COL6A1: variants seen among roughly 807,000 people sequenced by gnomAD.
The protein encoded by COL6A1 is collagen type VI alpha 1 chain.
Under a neutral mutation model 145.6 loss-of-function variants are expected in COL6A1, and 80 were observed. That is an observed-to-expected ratio of 0.55 (90% CI 0.46 to 0.66). COL6A1 has a LOEUF of 0.66. Ranked by LOEUF, COL6A1 falls within the 30% of genes least tolerant of loss-of-function variation. The probability of loss-of-function intolerance (pLI) is 0.00; values close to 1 mark genes in which losing one functional copy is unlikely to be tolerated. For synonymous variants in COL6A1, 638 were observed against 622.8 expected, an observed-to-expected ratio of 1.02 and a Z score of -0.36; for missense variants, 1,364 against 1,473.8, an observed-to-expected ratio of 0.93 and a Z score of 1.22.
intron 33 of COL6A1, 22 bp from the exon 34 acceptor site, chr21:46,003,098 G>A (rs1603594773): frequency 6.2e-7 from 1 of 1,614,066 alleles, no homozygotes; most frequent in East Asian, 2.2e-5. Flanking sequence ...GGCTCACACT[G>A]CACGGCTTTT....
chr21:45,987,483 T>C lies in COL6A1; in HGVS notation c.739-16T>C, dbSNP rs1426683500. 1 of 1,613,114 alleles carries C rather than the reference T, an allele frequency of 6.2e-7. No individual in the cohort carries two copies. Among genetic ancestry groups the C allele is most frequent in the South Asian group, 1.1e-5 (1 of 91,084 alleles). ...TGGCTTTCCCACTGACTCGTCTCCA[T>C]GCTTTCCCCCCACAGTGCTGCTCCT... On this transcript the variant is annotated splice_polypyrimidine_tract_variant and intron_variant, in intron 6 of 34. Transcript: ENST00000361866.
chr21:45,991,319 G>C (rs1460781124), intron 15 of COL6A1, among the ~76,000 whole-genome samples: 1 of 152,224 alleles, frequency 6.6e-6, no homozygotes, highest in Non-Finnish European at 1.5e-5. Flanking sequence ...CCGCTCGCTC[G>C]GCACAGATGG....
At chr21:45,983,303 A>G (rs1400995701) in intron 2 of COL6A1, among the ~76,000 whole-genome samples, 2 of 148,796 alleles carry the variant, frequency 1.3e-5, no homozygotes, top group African/African-American at 5.0e-5. Context: ...GGGACACGGC[A>G]CCCTCTGCTC....
rs144677931 is a variant in COL6A1, at chr21:45,991,039, A to G, written c.1117A>G (p.Lys373Glu). ...CGGTGCCTTTGGACTGAAAGGAGAA[A>G]AGGTGAGTGACTTGCGGCCCCTGGA... is the stretch of plus-strand genomic sequence containing the variant. Reference protein sequence around the residue: ...DPGAFGLKGEKGEPGADGEAG... With the variant: ...DPGAFGLKGEEGEPGADGEAG... Residue 373 changes from lysine (K) to glutamate (E), a missense_variant and splice_region_variant, in exon 15 of 35, where the codon AAG becomes GAG. Transcript: ENST00000361866. 3 of 1,613,036 alleles carry G rather than the reference A, an allele frequency of 1.9e-6. No homozygotes were observed. The highest frequency in any genetic ancestry group is 2.5e-6 in the Non-Finnish European group (3 of 1,179,858).
chr21:45,992,633 G>T, intron 18 of COL6A1, 115 bp from the exon 19 acceptor site: 1 of 1,129,908 alleles, frequency 8.9e-7, no homozygotes, highest in South Asian at 1.4e-5. Context: ...TGGAGGGGTG[G>T]CCCCTCCCAG....
chr21:46,001,762 G>A lies in COL6A1; in HGVS notation c.1957-199G>A, dbSNP rs184597057. 3.6e-3 allele frequency among the ~76,000 whole-genome samples: 545 copies of A among 150,984 alleles called. 3 individuals carry two copies. The highest frequency in any genetic ancestry group is 7.9e-3 in the African/African-American group (325 of 41,070). On this transcript the variant is annotated intron_variant, in intron 30 of 34. Transcript: ENST00000361866. ...GGGCTGTGCCACCCTCTGGGCACCC[G>A]GAGCCAATCGCAGGGTACCCAGGTC...
rs794727580 is a variant in COL6A1, at chr21:46,003,817, G to A, written c.2891G>A (p.Arg964Gln). The change falls in exon 35 of 35, where the codon CGG becomes CAG. Residue 964 changes from arginine (R) to glutamine (Q), a missense_variant. By Grantham distance (43) the Arg-to-Gln change is conservative. This residue lies in a region of COL6A1 where 938 missense variants were observed against 1,003.8 expected (regional missense o/e 0.93). Transcript: ENST00000361866. Reference sequence around the variant, plus strand: ...GAGAAGGCCGTGCAGGAAGCCCAGCGGGCAGGCATCGAGATCTTCGTGGTG... The same window carrying A: ...GAGAAGGCCGTGCAGGAAGCCCAGCAGGCAGGCATCGAGATCTTCGTGGTG... ...AIEKAVQEAQRAGIEIFVVVV... is the reference protein window; with the variant it reads ...AIEKAVQEAQQAGIEIFVVVV... 2.0e-5 allele frequency: 32 copies of A among 1,606,470 alleles called. No individual in the cohort carries two copies. Among genetic ancestry groups the A allele is most frequent in the Non-Finnish European group, 2.6e-5 (30 of 1,174,788 alleles).
intron 30 of COL6A1, among the ~76,000 whole-genome samples, 190 bp from the exon 31 acceptor site, chr21:46,001,771 C>T (rs1033113553): frequency 6.6e-6 from 1 of 150,694 alleles, no homozygotes; most frequent in South Asian, 2.1e-4. Context: ...CGGAGCCAAT[C>T]GCAGGGTACC....
Position 45,994,876 on chromosome 21 carries a change from G to A in COL6A1, c.1398+647G>A, listed in dbSNP as rs567973834. Among the ~76,000 whole-genome samples the A allele has an allele frequency of 2.0e-5, 3 of 152,160 alleles. No individual in the cohort carries two copies. Among genetic ancestry groups the A allele is most frequent in the African/African-American group, 4.8e-5 (2 of 41,452 alleles). On this transcript the variant is annotated intron_variant, in intron 20 of 34. Coordinates refer to ENST00000361866, the MANE Select transcript of COL6A1 (RefSeq NM_001848.3). This position sits in a 1 kb window ranked among gnomAD's most constrained non-coding sequence, Gnocchi z 6.8. ...CACGGGGACAGGAAGGCCTCCACAC[G>A]GTCACGCCCGGAGACAGCAAGTCTG...
At position 45,997,439 on chromosome 21, in the gene COL6A1, G is replaced by T. The variant is rs766667205; in HGVS notation, c.1417G>T (p.Gly473Ter). ...PGDPGEAGPI[G>*]PKGYRGDEGP... The stretch of plus-strand genomic sequence containing the variant: ...TCTACAGGGCGAGGCTGGCCCTATC[G>T]GACCTAAAGGCTACCGAGGCGATGA... The change falls in exon 21 of 35, where the codon GGA becomes TGA. Residue 473 changes from glycine (G) to a stop codon, truncating the protein, a stop_gained. Transcript: ENST00000361866. LOFTEE classifies it high-confidence loss of function. 6.2e-7 allele frequency: 1 copy of T among 1,612,822 alleles called. No individual in the cohort carries two copies.
At chr21:45,989,584 T>G in intron 9 of COL6A1, 24 bp from the exon 10 acceptor site, 1 of 1,611,858 alleles carries the variant, frequency 6.2e-7, no homozygotes, top group Non-Finnish European at 8.5e-7. Context: ...CGGGGGTGTC[T>G]CACCATCTCC....
At position 45,999,190 on chromosome 21, in the gene COL6A1, A is replaced by C. The variant is rs751040647; in HGVS notation, c.1712A>C (p.Lys571Thr). 435 of 1,603,086 alleles carry C rather than the reference A, an allele frequency of 2.7e-4. No individual in the cohort carries two copies. The highest frequency in any genetic ancestry group is 3.5e-4 in the Non-Finnish European group (414 of 1,175,874). The change falls in exon 26 of 35, where the codon AAG becomes ACG. Residue 571 changes from lysine to threonine, a missense_variant. This residue lies in a region of COL6A1 where 938 missense variants were observed against 1,003.8 expected (regional missense o/e 0.93). Transcript: ENST00000361866. ...DIAPRGVKGA[K>T]GYRGPEGPQG... is the part of the protein sequence containing the mutation. ...GCACCCCGAGGAGTCAAAGGAGCAA[A>C]GGGGTACCGGGGTCCCGAGGGCCCC...
chr21:45,982,818 G>A (rs1480245649), intron 2 of COL6A1, 55 bp downstream of exon 2: 7 of 1,601,392 alleles, frequency 4.4e-6, no homozygotes, highest in Non-Finnish European at 5.9e-6. Context: ...CTTGGAGGGA[G>A]GGGTGGGGGC....
At chr21:45,996,372 G>T (rs560697019) in intron 20 of COL6A1, among the ~76,000 whole-genome samples, 14 of 152,356 alleles carry the variant, frequency 9.2e-5, no homozygotes, top group African/African-American at 3.4e-4. Context: ...CACGAAGGGT[G>T]CAGGAGCTTC....
At chr21:46,000,710 G>C (rs550997718) in intron 28 of COL6A1, 49 bp from the exon 29 acceptor site, 1 of 1,613,520 alleles carries the variant, frequency 6.2e-7, no homozygotes, top group African/African-American at 1.3e-5. Context: ...TCTGACGTGC[G>C]CAGGACGCGG....
At chr21:45,993,343 C>T (rs915465693) in intron 19 of COL6A1, among the ~76,000 whole-genome samples, 1 of 152,242 alleles carries the variant, frequency 6.6e-6, no homozygotes, top group Non-Finnish European at 1.5e-5. Flanking sequence ...GTCCCTGTGA[C>T]TTGCTGGGAA....
At chr21:45,995,843 C>T (rs2077801888) in intron 20 of COL6A1, among the ~76,000 whole-genome samples, 1 of 152,220 alleles carries the variant, frequency 6.6e-6, no homozygotes, top group African/African-American at 2.4e-5. Flanking sequence ...CTGGAGCCTC[C>T]CTGGGGCCTT....
In COL6A1 at chr21:45,982,772, G is replaced by A; in HGVS notation, c.227+9G>A. On this transcript the variant is annotated intron_variant, in intron 2 of 34. Coordinates refer to ENST00000361866, the MANE Select transcript of COL6A1 (RefSeq NM_001848.3). ...GACAACCTGAGGGACAGGTAGGAGG[G>A]ACGCCCCGTGACCTTCCTCCTGTGC... is the stretch of plus-strand genomic sequence containing the variant. 6.2e-7 allele frequency: 1 copy of A among 1,611,492 alleles called. No homozygotes were observed. Among genetic ancestry groups the A allele is most frequent in the Non-Finnish European group, 8.5e-7 (1 of 1,179,902 alleles).
Position 45,990,770 on chromosome 21 carries a change from C to T in COL6A1, c.1003-3C>T, listed in dbSNP as rs1171069767. The T allele has an allele frequency of 1.2e-6, 2 of 1,613,218 alleles. No homozygotes were observed. Among genetic ancestry groups the T allele is most frequent in the African/African-American group, 2.7e-5 (2 of 74,882 alleles). ...GATTTTCTAGTTTTCTTCCTCTTTCCAGGGGGAGATGGGGTACCCAGGCCT... is the reference window on the plus strand; with the variant it reads ...GATTTTCTAGTTTTCTTCCTCTTTCTAGGGGGAGATGGGGTACCCAGGCCT... On this transcript the variant is annotated splice_polypyrimidine_tract_variant and splice_region_variant and intron_variant, in intron 13 of 34. Coordinates refer to ENST00000361866, the MANE Select transcript of COL6A1 (RefSeq NM_001848.3).
Sources: gnomAD v4.1 joint callset for allele counts (sites outside exome capture counted in the v4.1 genomes callset) on GRCh38, gnomAD v4.1.1 for gene constraint, gnomAD v4.1.1 regional missense constraint, Gnocchi (gnomAD v3.1) non-coding constraint, MANE v1.5 for transcripts, NCBI Gene and HGNC (gene_info 2026-07-23, HGNC 2026-07-21) for gene names.